SETD2: variants seen among roughly 807,000 people sequenced by gnomAD.
The protein encoded by SETD2 is SET domain containing 2, histone lysine methyltransferase, also known as histone-lysine N-methyltransferase SETD2.
Under a neutral mutation model 242.1 loss-of-function variants are expected in SETD2, and 31 were observed. The observed-to-expected ratio is 0.13, with a 90% confidence interval of 0.10 to 0.17. SETD2 has a LOEUF of 0.17. Among genes scored for constraint, SETD2 ranks in the 10% least tolerant of loss-of-function variants. The pLI is 1.00. For synonymous variants in SETD2, 1,006 were observed against 1,066.5 expected, an observed-to-expected ratio of 0.94 and a Z score of 1.11; for missense variants, 2,481 against 3,046.3, an observed-to-expected ratio of 0.81 and a Z score of 4.37.
intron 13 of SETD2, among the ~76,000 whole-genome samples, chr3:47,063,085 G>A (rs902143116): frequency 6.6e-6 from 1 of 152,014 alleles, no homozygotes. Context: ...TCCACCTCAC[G>A]GAACCCACAT....
rs2106696996 is a variant in SETD2 at position 47,123,170 on chromosome 3, G to C, written c.1466C>G (p.Ser489Cys). ...AGTTTTACAGTCCCGATCAGATTTAGAATAGGATGATGTCCTTAGGTCTCT... is the reference window on the plus strand; with the variant it reads ...AGTTTTACAGTCCCGATCAGATTTACAATAGGATGATGTCCTTAGGTCTCT... Reference protein sequence around the residue: ...SYRDLRTSSYSKSDRDCKTET... With the variant: ...SYRDLRTSSYCKSDRDCKTET... The change falls in exon 3 of 21, where the codon TCT (serine) becomes TGT (cysteine). Residue 489 changes from serine (S) to cysteine (C), a missense_variant. Transcript: ENST00000409792. The C allele has an allele frequency of 6.2e-7, 1 of 1,607,668 alleles. No homozygotes were observed. Among genetic ancestry groups the C allele is most frequent in the Non-Finnish European group, 8.5e-7 (1 of 1,176,124 alleles).
chr3:47,136,891 T>C (rs970183521), intron 1 of SETD2, among the ~76,000 whole-genome samples: 1 of 151,942 alleles, frequency 6.6e-6, no homozygotes, highest in African/African-American at 2.4e-5. Context: ...GAGGCAGAGG[T>C]TGCAGTGTGC....
intron 1 of SETD2, among the ~76,000 whole-genome samples, chr3:47,130,009 T>C (rs1460483500): frequency 6.6e-6 from 1 of 152,130 alleles, no homozygotes; most frequent in Non-Finnish European, 1.5e-5. Context: ...GAAGTGGAAG[T>C]AGACTGTAAT....
Position 47,041,780 on chromosome 3 carries a change from A to G in SETD2, c.7238+781T>C, listed in dbSNP as rs868480253. On this transcript the variant is annotated intron_variant, in intron 17 of 20. Transcript: ENST00000409792. ...CAGGAATTATACTTCCTTTTTTAGT[A>G]CTTTTCTACTATATTTGCTTTCTAC... is the stretch of plus-strand genomic sequence containing the variant. 3.9e-5 allele frequency among the ~76,000 whole-genome samples: 6 copies of G among 152,228 alleles called. 1 individual carries two copies. The Middle Eastern group carries it at 0.01, about 259-fold the overall frequency.
chr3:47,116,564 A>G, intron 4 of SETD2, 59 bp downstream of exon 4: 7 of 1,523,998 alleles, frequency 4.6e-6, no homozygotes, highest in South Asian at 2.4e-5. Context: ...TGATAATTCA[A>G]TATTTAGAGA....
intron 5 of SETD2, among the ~76,000 whole-genome samples, chr3:47,109,516 T>C (rs971370815): frequency 6.6e-6 from 1 of 151,978 alleles, no homozygotes; most frequent in Non-Finnish European, 1.5e-5. Flanking sequence ...AGTATGGTAG[T>C]GTACACCTGT....
intron 18 of SETD2, among the ~76,000 whole-genome samples, chr3:47,033,244 T>G (rs888476458): frequency 1.3e-5 from 2 of 152,252 alleles, no homozygotes; most frequent in African/African-American, 4.8e-5. Context: ...TGCTCCAGCT[T>G]TCCTTTTAGC....
chr3:47,099,117 G>C (rs138673171), intron 8 of SETD2, among the ~76,000 whole-genome samples: 196 of 152,296 alleles, frequency 1.3e-3, no homozygotes, highest in African/African-American at 4.6e-3. Context: ...CTATGTTTAA[G>C]ACATGAAGCA....
Position 47,017,038 on chromosome 3 carries a change from C to T in SETD2, c.*55G>A, listed in dbSNP as rs2107483840. 3 of 1,562,532 alleles carry T rather than the reference C, an allele frequency of 1.9e-6. No homozygotes were observed. The highest frequency in any genetic ancestry group is 2.6e-6 in the Non-Finnish European group (3 of 1,137,334). The stretch of plus-strand genomic sequence containing the variant: ...GGGACAGAAAGGCCCACAGGATTTC[C>T]TCTCCCTAGAGTCTGTCTTACCTGA... On this transcript the variant is annotated 3_prime_UTR_variant, in exon 21 of 21. Transcript: ENST00000409792. The surrounding 1 kb of genome is among the most constrained non-coding windows in gnomAD (Gnocchi z 4.8).
chr3:47,132,886 ATTT>A (rs1202218444), intron 1 of SETD2, among the ~76,000 whole-genome samples: 2 of 152,236 alleles, frequency 1.3e-5, no homozygotes, highest in East Asian at 3.8e-4. Flanking sequence ...GCCTATTAAA[ATTT>A]ATTTCATTTG....
intron 9 of SETD2, among the ~76,000 whole-genome samples, chr3:47,093,106 A>G (rs1474325457): frequency 6.6e-6 from 1 of 152,170 alleles, no homozygotes; most frequent in African/African-American, 2.4e-5. Flanking sequence ...ATGTGCAAGA[A>G]CATGCAGGTT....
At position 47,085,218 on chromosome 3, in the gene SETD2, T is replaced by C. The variant is rs1310383250; in HGVS notation, c.5398-836A>G. On this transcript the variant is annotated intron_variant, in intron 11 of 20. Transcript: ENST00000409792. ...GATCAGCAAGAATCACAACATCAAA[T>C]AGGACTGATTAATATTCTCTACCAG... 2.6e-5 allele frequency among the ~76,000 whole-genome samples: 4 copies of C among 152,208 alleles called. No individual in the cohort carries two copies. In the South Asian group the frequency reaches 6.2e-4, roughly 24 times the overall value.
Position 47,061,001 on chromosome 3 carries a change from G to A in SETD2, c.6293+1162C>T, listed in dbSNP as rs144660160. Among the ~76,000 whole-genome samples the A allele has an allele frequency of 1.9e-3, 287 of 152,252 alleles. 2 individuals are homozygous for A. Among genetic ancestry groups the A allele is most frequent in the African/African-American group, 6.6e-3 (275 of 41,550 alleles). On this transcript the variant is annotated intron_variant, in intron 14 of 20. Coordinates refer to ENST00000409792, the MANE Select transcript of SETD2 (RefSeq NM_014159.7). ...ACTTTGGGAGGCTGAGGCAGATTAC[G>A]AGGTCAGGAGATCGAGACCATCCTG...
intron 17 of SETD2, 141 bp downstream of exon 17, chr3:47,042,420 G>A (rs1035456273): frequency 1.4e-6 from 1 of 730,098 alleles, no homozygotes; most frequent in African/African-American, 1.8e-5. Context: ...CACTTAAGAT[G>A]TGATTCTGGA....
intron 1 of SETD2, among the ~76,000 whole-genome samples, chr3:47,148,550 T>C (rs1361608154): frequency 6.6e-6 from 1 of 152,216 alleles, no homozygotes; most frequent in East Asian, 1.9e-4. Flanking sequence ...TCTCCAATTT[T>C]TTATACCTTC....
chr3:47,054,333 A>C (rs1386047277), intron 15 of SETD2, among the ~76,000 whole-genome samples: 1 of 152,198 alleles, frequency 6.6e-6, no homozygotes, highest in Non-Finnish European at 1.5e-5. Flanking sequence ...TTTTATAAGA[A>C]AAATCATATG....
intron 1 of SETD2, among the ~76,000 whole-genome samples, chr3:47,157,741 C>T (rs548044857): frequency 5.1e-4 from 77 of 151,938 alleles, no homozygotes; most frequent in African/African-American, 1.7e-3. Flanking sequence ...GGCATGGTGG[C>T]GCATGCCTGT....
intron 1 of SETD2, among the ~76,000 whole-genome samples, chr3:47,151,548 CCG>C (rs2043984050): frequency 6.6e-6 from 1 of 152,068 alleles, no homozygotes; most frequent in African/African-American, 2.4e-5. Flanking sequence ...TAAGAGCATG[CCG>C]CGTACAGTGG....
At chr3:47,051,252 A>G (rs947662910) in intron 15 of SETD2, among the ~76,000 whole-genome samples, 40 of 152,056 alleles carry the variant, frequency 2.6e-4, no homozygotes, top group African/African-American at 9.6e-4. Flanking sequence ...CTACAGGAGC[A>G]TGCCACCACA....
Sources: gnomAD v4.1 joint callset for allele counts (sites outside exome capture counted in the v4.1 genomes callset) on GRCh38, gnomAD v4.1.1 for gene constraint, Gnocchi (gnomAD v3.1) non-coding constraint, MANE v1.5 for transcripts, NCBI Gene and HGNC (gene_info 2026-07-23, HGNC 2026-07-21) for gene names.